HTR4: variants seen among roughly 807,000 people sequenced by gnomAD.
The protein encoded by HTR4 is 5-hydroxytryptamine receptor 4.
Under a neutral mutation model 36.8 loss-of-function variants are expected in HTR4, and 16 were observed. The observed-to-expected ratio is 0.43, with a 90% CI of 0.29 to 0.66. The LOEUF is 0.66. Among genes scored for constraint, HTR4 ranks in the 30% least tolerant of loss-of-function variants. The pLI is 0.13. For synonymous variants in HTR4, 189 were observed against 185.1 expected, an observed-to-expected ratio of 1.02 and a Z score of -0.17; for missense variants, 438 against 490.9, an observed-to-expected ratio of 0.89 and a Z score of 1.02.
chr5:148,625,232 G>A (rs182962230), intron 2 of HTR4, among the ~76,000 whole-genome samples: 2 of 152,266 alleles, frequency 1.3e-5, no homozygotes, highest in Admixed American at 6.5e-5. Context: ...GAAAAGAGGT[G>A]AAGCCTTAAG....
At chr5:148,457,966 TATA>T (rs1422706982) in intron 5 of HTR4, among the ~76,000 whole-genome samples, 14 of 97,236 alleles carry the variant, frequency 1.4e-4, no homozygotes, top group African/African-American at 4.4e-4. Flanking sequence ...TATATTAAAA[TATA>T]ATATATTTTA....
At chr5:148,507,660 G>A (rs1757291197) in intron 6 of HTR4, among the ~76,000 whole-genome samples, 1 of 151,296 alleles carries the variant, frequency 6.6e-6, no homozygotes, top group Non-Finnish European at 1.5e-5. Flanking sequence ...GCTTTACAAT[G>A]ATCCTGCAGA....
chr5:148,641,434 G>A (rs929510269), intron 1 of HTR4, among the ~76,000 whole-genome samples: 7 of 152,186 alleles, frequency 4.6e-5, no homozygotes, highest in Middle Eastern at 3.4e-3. Context: ...CTAGATCATC[G>A]GAAAAAGATC....
intron 5 of HTR4, among the ~76,000 whole-genome samples, chr5:148,514,288 T>C (rs914284588): frequency 1.3e-5 from 2 of 152,160 alleles, no homozygotes; most frequent in African/African-American, 4.8e-5. Flanking sequence ...ATTCTTGGTT[T>C]GATGAGATTT....
At chr5:148,514,944 C>G (rs1757668489) in intron 5 of HTR4, among the ~76,000 whole-genome samples, 1 of 152,014 alleles carries the variant, frequency 6.6e-6, no homozygotes, top group Admixed American at 6.6e-5. Flanking sequence ...CTCTTACAAG[C>G]AGCATATATT....
At chr5:148,472,423 A>G (rs899582874), downstream of HTR4, among the ~76,000 whole-genome samples, 3 of 152,124 alleles carry the variant, frequency 2.0e-5, no homozygotes, top group African/African-American at 7.2e-5. Flanking sequence ...ATCTATATGG[A>G]CCCACGTGTC....
chr5:148,633,928 T>C (rs992997268), intron 2 of HTR4, among the ~76,000 whole-genome samples: 1 of 152,136 alleles, frequency 6.6e-6, no homozygotes, highest in African/African-American at 2.4e-5. Flanking sequence ...TACTCCCAAA[T>C]TACCTTTGAT....
At chr5:148,527,991 A>G (rs572126460) in intron 4 of HTR4, among the ~76,000 whole-genome samples, 1 of 152,126 alleles carries the variant, frequency 6.6e-6, no homozygotes, top group Non-Finnish European at 1.5e-5. Flanking sequence ...AATAAGCCCA[A>G]CTCGAAGGGT....
chr5:148,493,791 G>A (rs1229483267), intron 6 of HTR4, among the ~76,000 whole-genome samples: 1 of 152,160 alleles, frequency 6.6e-6, no homozygotes, highest in African/African-American at 2.4e-5. Context: ...TATGTAGTCT[G>A]CCCTGGTAGG....
At chr5:148,593,110 C>T (rs538233215) in intron 2 of HTR4, among the ~76,000 whole-genome samples, 6 of 152,104 alleles carry the variant, frequency 3.9e-5, no homozygotes, top group Non-Finnish European at 7.4e-5. Context: ...AATTTTTCTG[C>T]TTTTGGGTCC....
intron 2 of HTR4, among the ~76,000 whole-genome samples, chr5:148,581,398 A>G (rs1462197057): frequency 4.6e-5 from 7 of 151,754 alleles, no homozygotes; most frequent in African/African-American, 1.7e-4. Context: ...TGGGTGCCAT[A>G]TCCAAGAAAT....
chr5:148,576,110 C>CAAAAAAAAAA (rs781780161), intron 2 of HTR4, among the ~76,000 whole-genome samples: 362 of 32,638 alleles, frequency 0.011, 47 homozygotes, highest in East Asian at 0.015. Flanking sequence ...GACTCCGTCT[C>CAAAAAAAAAA]AAAAAAAAAA....
At position 148,507,577 on chromosome 5, in the gene HTR4, CAA is replaced by C. The variant is rs113992728; in HGVS notation, c.1076+1877_1076+1878del. Among the ~76,000 whole-genome samples, 821 of 142,510 alleles carry C rather than the reference CAA, an allele frequency of 5.8e-3. 11 individuals carry two copies. Among genetic ancestry groups the C allele is most frequent in the African/African-American group, 0.019 (778 of 40,230 alleles). The allele number at this position is 142,510 out of a possible 152,430, so 93.5% of individuals were successfully genotyped here. ...TGTACTCATACCATATAAGTTTCTT[CAA>C]AAAAAAAAAAGAAATTTATGGAAGA... On this transcript the variant is annotated intron_variant, in intron 6 of 6. Coordinates refer to ENST00000377888, the MANE Select transcript of HTR4 (RefSeq NM_000870.7).
At chr5:148,465,858 T>G in intron 5 of HTR4, 1 of 1,611,530 alleles carries the variant, frequency 6.2e-7, no homozygotes, top group Non-Finnish European at 8.5e-7. Flanking sequence ...ACAGAGCACT[T>G]TCAGAGTTAG....
downstream of HTR4, among the ~76,000 whole-genome samples, chr5:148,477,872 A>G (rs1755748798): frequency 6.6e-6 from 1 of 152,122 alleles, no homozygotes; most frequent in South Asian, 2.1e-4. Context: ...CTCAGATCAA[A>G]TATATGCCTG....
chr5:148,640,860 G>A (rs543205907), intron 1 of HTR4, among the ~76,000 whole-genome samples: 5 of 152,252 alleles, frequency 3.3e-5, no homozygotes, highest in East Asian at 3.9e-4. Flanking sequence ...TACAACACAA[G>A]GAAAATCTTG....
Position 148,505,931 on chromosome 5 carries a change from G to A in HTR4, c.1076+3525C>T, listed in dbSNP as rs374901831. On this transcript the variant is annotated intron_variant, in intron 6 of 6. Transcript: ENST00000377888. Reference sequence around the variant, plus strand: ...CATGGATAGGAAGAATCAATATCGCGAAAATGGCCATACTGCCCAAGGTAA... The same window carrying A: ...CATGGATAGGAAGAATCAATATCGCAAAAATGGCCATACTGCCCAAGGTAA... Among the ~76,000 whole-genome samples, 329 of 152,196 alleles carry A rather than the reference G, an allele frequency of 2.2e-3. 1 individual carries two copies. The highest frequency in any genetic ancestry group is 0.014 in the South Asian group (69 of 4,818).
intron 2 of HTR4, among the ~76,000 whole-genome samples, chr5:148,551,672 T>A (rs1387534059): frequency 6.6e-6 from 1 of 152,228 alleles, no homozygotes; most frequent in Non-Finnish European, 1.5e-5. Flanking sequence ...TCTTTTGGCT[T>A]CCCTGGTCCA....
At chr5:148,570,575 C>T (rs149331231) in intron 2 of HTR4, among the ~76,000 whole-genome samples, 7 of 152,172 alleles carry the variant, frequency 4.6e-5, no homozygotes, top group African/African-American at 1.2e-4. Flanking sequence ...TACATAACTT[C>T]GTCCAGCAAC....
Sources: gnomAD v4.1 joint callset for allele counts (sites outside exome capture counted in the v4.1 genomes callset) on GRCh38, gnomAD v4.1.1 for gene constraint, MANE v1.5 for transcripts, NCBI Gene and HGNC (gene_info 2026-07-23, HGNC 2026-07-21) for gene names.